The following SYNPO2 variants were observed in gnomAD, a reference collection of about 807,000 sequenced individuals.
SYNPO2 encodes synaptopodin-2.
SYNPO2 carries 56 observed loss-of-function variants against 85.0 expected under a neutral mutation model. That is an observed-to-expected ratio of 0.66 (90% CI 0.53 to 0.82). SYNPO2 has a LOEUF of 0.82. Among genes scored for constraint, SYNPO2 ranks in the 40% least tolerant of loss-of-function variants. The pLI, the probability that SYNPO2 is intolerant of heterozygous loss-of-function variation, is 0.00. For synonymous variants in SYNPO2, 602 were observed against 591.1 expected, an observed-to-expected ratio of 1.02 and a Z score of -0.27; for missense variants, 1,575 against 1,534.2, an observed-to-expected ratio of 1.03 and a Z score of -0.44.
chr4:119,012,578 GT>G (rs1375283418), intron 1 of SYNPO2, among the ~76,000 whole-genome samples: 1 of 151,838 alleles, frequency 6.6e-6, no homozygotes, highest in African/African-American at 2.4e-5. Flanking sequence ...GTTCCGGTGT[GT>G]GATGTTTCCC....
At chr4:118,905,104 A>G (rs1443951106) in intron 1 of SYNPO2, among the ~76,000 whole-genome samples, 1 of 152,212 alleles carries the variant, frequency 6.6e-6, no homozygotes, top group Non-Finnish European at 1.5e-5. Context: ...TACAATGACC[A>G]GATAGCTCCA....
At chr4:118,958,443 C>T (rs1734956526) in intron 1 of SYNPO2, among the ~76,000 whole-genome samples, 1 of 152,114 alleles carries the variant, frequency 6.6e-6, no homozygotes, top group Non-Finnish European at 1.5e-5. Context: ...CGTGATTTAA[C>T]AAATTTCATA....
chr4:118,900,383 C>G (rs912326936), intron 1 of SYNPO2, among the ~76,000 whole-genome samples: 1 of 152,004 alleles, frequency 6.6e-6, no homozygotes, highest in Non-Finnish European at 1.5e-5. Flanking sequence ...CTGAAATATC[C>G]TTAGGTTCCA....
chr4:118,882,678 T>C (rs999355699), intron 1 of SYNPO2, among the ~76,000 whole-genome samples: 16 of 152,178 alleles, frequency 1.1e-4, no homozygotes, highest in African/African-American at 3.9e-4. Flanking sequence ...TAGACATGTA[T>C]CCTAAGAGGG....
At chr4:118,927,743 G>GATA (rs1733773740) in intron 1 of SYNPO2, among the ~76,000 whole-genome samples, 1 of 136,262 alleles carries the variant, frequency 7.3e-6, no homozygotes, top group African/African-American at 2.8e-5. Flanking sequence ...TAGATAGATA[G>GATA]ATAGATGATA....
rs543309998 is a variant in SYNPO2, at chr4:118,865,123, G to A, written c.12+14183G>A. ...TTGTGGGGCCAGGCCAGACATCTTA[G>A]GAGGGGGTTGCCACAGCTATTGCTG... On this transcript the variant is annotated intron_variant, in intron 1 of 4. Transcript: ENST00000610556. Among the ~76,000 whole-genome samples, 3 of 152,328 alleles carry A rather than the reference G, an allele frequency of 2.0e-5. 1 individual carries two copies. The highest frequency in any genetic ancestry group is 7.2e-5 in the African/African-American group (3 of 41,574).
At chr4:118,967,710 C>CT (rs1382253561) in intron 1 of SYNPO2, among the ~76,000 whole-genome samples, 2 of 152,284 alleles carry the variant, frequency 1.3e-5, no homozygotes, top group African/African-American at 4.8e-5. Context: ...TTTGGCATGT[C>CT]TTGGATGATT....
chr4:118,889,142 G>T lies in SYNPO2; in HGVS notation c.105+1G>T. 1 of 1,613,972 alleles carries T rather than the reference G, an allele frequency of 6.2e-7. No individual in the cohort carries two copies. Among genetic ancestry groups the T allele is most frequent in the Non-Finnish European group, 8.5e-7 (1 of 1,179,934 alleles). On this transcript the variant is annotated splice_donor_variant, in intron 1 of 4. Transcript: ENST00000307142. LOFTEE classifies it high-confidence loss of function. ...GAAGCAGCCCTTACAAGTTGCAAAG[G>T]TAGGACCTGAACGAAGTGTCACGGC...
At chr4:118,943,350 A>G (rs1200185723) in intron 1 of SYNPO2, among the ~76,000 whole-genome samples, 1 of 152,224 alleles carries the variant, frequency 6.6e-6, no homozygotes, top group Admixed American at 6.5e-5. Context: ...CAGAGCAAAT[A>G]ATTAGGTAGA....
intron 3 of SYNPO2, among the ~76,000 whole-genome samples, chr4:119,028,868 T>G (rs998177856): frequency 6.6e-6 from 1 of 151,918 alleles, no homozygotes; most frequent in Non-Finnish European, 1.5e-5. Context: ...AACTATAAAT[T>G]ATAAATGATA....
rs1018267130 is a variant in SYNPO2, at chr4:118,897,437, T to A, written c.105+8296T>A. The stretch of plus-strand genomic sequence containing the variant: ...CCCTTCCTTCACCCCTCTTCCTTCA[T>A]CCTGTTTAACAGAATTTACCTTCTT... On this transcript the variant is annotated intron_variant, in intron 1 of 4. Transcript: ENST00000307142. Among the ~76,000 whole-genome samples the A allele has an allele frequency of 2.6e-5, 4 of 152,304 alleles. No homozygotes were observed. In the East Asian group the frequency reaches 7.7e-4, roughly 29 times the overall value.
intron 1 of SYNPO2, among the ~76,000 whole-genome samples, chr4:118,928,007 G>A (rs1338263814): frequency 6.6e-6 from 1 of 152,118 alleles, no homozygotes; most frequent in Non-Finnish European, 1.5e-5. Context: ...CTGGGAGGAG[G>A]AGGTTGTCTG....
intron 1 of SYNPO2, among the ~76,000 whole-genome samples, chr4:119,005,656 T>C (rs1298871921): frequency 6.6e-6 from 1 of 151,576 alleles, no homozygotes; most frequent in Non-Finnish European, 1.5e-5. Flanking sequence ...TGAAGTCAGA[T>C]AGCGTGATGC....
chr4:118,924,496 G>A (rs530352625), intron 1 of SYNPO2, among the ~76,000 whole-genome samples: 1 of 152,236 alleles, frequency 6.6e-6, no homozygotes, highest in East Asian at 1.9e-4. Context: ...AGTTACTAGG[G>A]GACTCAGAGC....
chr4:118,915,162 T>G (rs925931831), intron 1 of SYNPO2, among the ~76,000 whole-genome samples: 9 of 152,074 alleles, frequency 5.9e-5, no homozygotes, highest in African/African-American at 2.2e-4. Context: ...AAATTATAAT[T>G]CTTAGTTCAT....
At chr4:118,904,007 T>C (rs996436496) in intron 1 of SYNPO2, among the ~76,000 whole-genome samples, 6 of 152,108 alleles carry the variant, frequency 3.9e-5, no homozygotes, top group East Asian at 1.9e-4. Context: ...TGAGCCACCG[T>C]GCCCCGCCAA....
intron 1 of SYNPO2, among the ~76,000 whole-genome samples, chr4:118,923,999 T>C (rs1472921839): frequency 1.3e-5 from 2 of 152,356 alleles, no homozygotes; most frequent in East Asian, 3.9e-4. Context: ...TGGAATAATT[T>C]GCACTTTTAT....
intron 1 of SYNPO2, among the ~76,000 whole-genome samples, chr4:118,891,921 C>A (rs1235692596): frequency 6.6e-6 from 1 of 152,098 alleles, no homozygotes; most frequent in South Asian, 2.1e-4. Context: ...GTTCTGTAGA[C>A]AATAACACAT....
intron 1 of SYNPO2, among the ~76,000 whole-genome samples, chr4:118,869,847 CATA>C (rs1731771498): frequency 6.6e-6 from 1 of 152,206 alleles, no homozygotes; most frequent in African/African-American, 2.4e-5. Context: ...TTGCTCATTT[CATA>C]ATTCTATTCA....
Sources: allele counts gnomAD v4.1 joint callset (sites outside exome capture counted in the v4.1 genomes callset), GRCh38; gene constraint gnomAD v4.1.1; transcripts MANE v1.5; gene names NCBI Gene and HGNC (gene_info 2026-07-23, HGNC 2026-07-21).